The following PLEKHG7 variants were observed in gnomAD, a reference collection of about 807,000 sequenced individuals.
PLEKHG7 encodes pleckstrin homology domain-containing family G member 7.
Under a neutral mutation model 85.2 loss-of-function variants are expected in PLEKHG7, and 77 were observed. That is an observed-to-expected ratio of 0.90 (90% CI 0.75 to 1.09). The LOEUF is 1.09. Ranked by LOEUF, PLEKHG7 falls within the 50% of genes least tolerant of loss-of-function variation. The pLI, the probability that PLEKHG7 is intolerant of heterozygous loss-of-function variation, is 0.00. For missense variants in PLEKHG7, 777 were observed against 804.3 expected, an observed-to-expected ratio of 0.97 and a Z score of 0.41; for synonymous variants, 301 against 302.4, an observed-to-expected ratio of 1.00 and a Z score of 0.05.
chr12:92,720,425 A>T (rs963135951), intron 3 of PLEKHG7, among the ~76,000 whole-genome samples: 2 of 151,288 alleles, frequency 1.3e-5, no homozygotes, highest in African/African-American at 4.9e-5. Context: ...TCTCAGATTC[A>T]AGCTATTCTC....
At chr12:92,759,279 T>A (rs1872920627) in intron 13 of PLEKHG7, among the ~76,000 whole-genome samples, 1 of 152,186 alleles carries the variant, frequency 6.6e-6, no homozygotes. Flanking sequence ...TAGAATAACA[T>A]CTGGAATACG....
At position 92,772,345 on chromosome 12, in the gene PLEKHG7, G is replaced by A. The variant is rs1208624754; in HGVS notation, c.*2150G>A. On this transcript the variant is annotated 3_prime_UTR_variant, in exon 17 of 17. Coordinates refer to ENST00000344636, the MANE Select transcript of PLEKHG7 (RefSeq NM_001377329.1). Reference sequence around the variant, plus strand: ...CAAAATGGCATTAATAATTTCTCTTGAGATCAGGAATTTAATTACTATTCG... The same window carrying A: ...CAAAATGGCATTAATAATTTCTCTTAAGATCAGGAATTTAATTACTATTCG... The A allele has an allele frequency of 6.6e-6, 1 of 151,496 alleles. No homozygotes were observed. The highest frequency in any genetic ancestry group is 2.4e-5 in the African/African-American group (1 of 41,254). The allele number at this position is 151,496 out of a possible 1,614,324, so 9.4% of individuals were successfully genotyped here.
chr12:92,705,642 G>A (rs551426034), intron 1 of PLEKHG7, among the ~76,000 whole-genome samples: 2 of 152,316 alleles, frequency 1.3e-5, no homozygotes, highest in South Asian at 2.1e-4. Context: ...TGGGTCTCTC[G>A]CCTGTCCCAC....
chr12:92,729,164 A>G, intron 4 of PLEKHG7, 44 bp downstream of exon 4: 1 of 1,230,996 alleles, frequency 8.1e-7, no homozygotes, highest in African/African-American at 1.6e-5. Flanking sequence ...CCACTGTGGA[A>G]CAGATATTGC....
chr12:92,755,773 A>G, intron 11 of PLEKHG7, 52 bp from the exon 12 acceptor site: 1 of 1,174,918 alleles, frequency 8.5e-7, no homozygotes, highest in South Asian at 1.3e-5. Context: ...TAAAATTTAT[A>G]CTGCAATGTC....
chr12:92,736,373 A>G, intron 5 of PLEKHG7, 109 bp from the exon 6 acceptor site: 1 of 619,428 alleles, frequency 1.6e-6, no homozygotes. Context: ...AAAATATGCC[A>G]TCTCTTATCA....
intron 12 of PLEKHG7, 49 bp downstream of exon 12, chr12:92,755,989 G>A (rs201294356): frequency 3.2e-5 from 42 of 1,294,774 alleles, no homozygotes; most frequent in Non-Finnish European, 4.4e-5. Context: ...TGGAATTTGG[G>A]CATTCAGATA....
rs1378223345 is a variant in PLEKHG7, at chr12:92,754,138, C to A, written c.1300C>A (p.Leu434Ile). ...QCRRLHVPEL[L>I]VAPLQRLTRY... ...CAGACGGCTCCACGTGCCAGAGCTG[C>A]TAGTGGCCCCACTACAGAGGCTCAC... The change falls in exon 11 of 17, where the codon CTA becomes ATA. Residue 434 changes from leucine to isoleucine, a missense_variant. By Grantham distance (5) the Leu-to-Ile change is conservative. Transcript: ENST00000344636. 2.5e-6 allele frequency: 4 copies of A among 1,614,008 alleles called. No homozygotes were observed. The highest frequency in any genetic ancestry group is 3.4e-6 in the Non-Finnish European group (4 of 1,179,934).
chr12:92,761,615 GAAAGAAAGAAGAAAGA>G (rs1872999902), intron 13 of PLEKHG7, 121 bp from the exon 14 acceptor site: 2 of 1,023,100 alleles, frequency 2.0e-6, no homozygotes, highest in South Asian at 2.1e-5. Flanking sequence ...GAAAAAGAAA[GAAAGAAAGAAGAAAGA>G]AAGAAAGAAA....
chr12:92,709,519 C>T (rs908966464), intron 3 of PLEKHG7, among the ~76,000 whole-genome samples: 1 of 152,050 alleles, frequency 6.6e-6, no homozygotes, highest in Non-Finnish European at 1.5e-5. Flanking sequence ...AGAGAAGGCA[C>T]CAGGGGTGGA....
At chr12:92,746,989 G>A (rs1872552003) in intron 10 of PLEKHG7, among the ~76,000 whole-genome samples, 7 of 152,114 alleles carry the variant, frequency 4.6e-5, no homozygotes, top group Admixed American at 4.6e-4. Context: ...TTAGGGCTAA[G>A]ACTTCAAAAG....
At position 92,745,389 on chromosome 12, in the gene PLEKHG7, A is replaced by C. The variant is rs1872505142; in HGVS notation, c.1138-89A>C. The C allele has an allele frequency of 9.4e-6, 8 of 855,334 alleles. No individual in the cohort carries two copies. The African/African-American group carries it at 1.3e-4, about 14-fold the overall frequency. 53.0% of individuals were successfully genotyped at this position (855,334 alleles called of 1,614,324 possible). A position where few individuals can be genotyped will look rare whatever the true frequency, so the allele number is the denominator to read the frequency against. On this transcript the variant is annotated intron_variant, in intron 9 of 16. Transcript: ENST00000344636. ...TCCTCCACTTTTCCCTGTTCTAGTTAATGATAAAAGTGAGGAGAAACACTC... is the reference window on the plus strand; with the variant it reads ...TCCTCCACTTTTCCCTGTTCTAGTTCATGATAAAAGTGAGGAGAAACACTC...
At chr12:92,747,923 T>C (rs1328108590) in intron 10 of PLEKHG7, among the ~76,000 whole-genome samples, 2 of 152,142 alleles carry the variant, frequency 1.3e-5, no homozygotes, top group African/African-American at 4.8e-5. Flanking sequence ...GAGAGGTCGG[T>C]TGATGGGTGC....
At chr12:92,756,166 T>C in intron 12 of PLEKHG7, 132 bp from the exon 13 acceptor site, 1 of 740,452 alleles carries the variant, frequency 1.4e-6, no homozygotes, top group Non-Finnish European at 2.2e-6. Flanking sequence ...TTGTTTCCCA[T>C]TCCCATGTCC....
rs899070404 is a variant in PLEKHG7, at chr12:92,763,667, T to A, written c.1717-374T>A. 1.1e-4 allele frequency among the ~76,000 whole-genome samples: 16 copies of A among 151,792 alleles called. 1 individual carries two copies. The highest frequency in any genetic ancestry group is 2.4e-4 in the Non-Finnish European group (16 of 67,958). On this transcript the variant is annotated intron_variant, in intron 14 of 16. Transcript: ENST00000344636. The stretch of plus-strand genomic sequence containing the variant: ...CCATCTCTACAAAAAAATTAAAAAA[T>A]TAGCAGGGCATGGTGGTGTATGCCT...
At position 92,771,039 on chromosome 12, in the gene PLEKHG7, CTTAAT is replaced by C. The variant is rs1873413734; in HGVS notation, c.*847_*851del. The stretch of plus-strand genomic sequence containing the variant: ...TGTGTGTGTTAGCACAGTACAGTCA[CTTAAT>C]TTTATTTGGCAGGACTTCAAATTTC... On this transcript the variant is annotated 3_prime_UTR_variant, in exon 17 of 17. Transcript: ENST00000344636. 1 of 150,322 alleles carries C rather than the reference CTTAAT, an allele frequency of 6.7e-6. No individual in the cohort carries two copies. Among genetic ancestry groups the C allele is most frequent in the Non-Finnish European group, 1.5e-5 (1 of 67,370 alleles). The allele number at this position is 150,322 out of a possible 1,614,324, so 9.3% of individuals were successfully genotyped here.
intron 3 of PLEKHG7, among the ~76,000 whole-genome samples, chr12:92,721,138 G>A (rs535732054): frequency 1.1e-3 from 171 of 152,160 alleles, no homozygotes; most frequent in Non-Finnish European, 2.1e-3. Context: ...TGTCTAAGAA[G>A]AATCAGTTCT....
Position 92,710,936 on chromosome 12 carries a change from G to T in PLEKHG7, c.530+3264G>T, listed in dbSNP as rs890117249. ...ACCCATTCATGAGCACCTACGTGGG[G>T]TACAAATATCTTCACAGTTTTTGAC... On this transcript the variant is annotated intron_variant, in intron 3 of 16. Coordinates refer to ENST00000344636, the MANE Select transcript of PLEKHG7 (RefSeq NM_001377329.1). 2.0e-5 allele frequency among the ~76,000 whole-genome samples: 3 copies of T among 152,162 alleles called. No homozygotes were observed. The South Asian group carries it at 6.2e-4, about 32-fold the overall frequency.
Position 92,772,235 on chromosome 12 carries a change from A to G in PLEKHG7, c.*2040A>G, listed in dbSNP as rs1228416884. 4 of 151,924 alleles carry G rather than the reference A, an allele frequency of 2.6e-5. No homozygotes were observed. Among genetic ancestry groups the G allele is most frequent in the African/African-American group, 9.7e-5 (4 of 41,408 alleles). The allele number at this position is 151,924 out of a possible 1,614,324, so 9.4% of individuals were successfully genotyped here. On this transcript the variant is annotated 3_prime_UTR_variant, in exon 17 of 17. Coordinates refer to ENST00000344636, the MANE Select transcript of PLEKHG7 (RefSeq NM_001377329.1). ...ATCTGGGTATTAAATGCAGACACAC[A>G]ATGAAATAAGGGGTTAATTACATAT... is the stretch of plus-strand genomic sequence containing the variant.
Sources: allele counts gnomAD v4.1 joint callset (sites outside exome capture counted in the v4.1 genomes callset), GRCh38; gene constraint gnomAD v4.1.1; transcripts MANE v1.5; gene names NCBI Gene and HGNC (gene_info 2026-07-23, HGNC 2026-07-21).